The following CCDC124 variants were observed in gnomAD, a reference collection of about 807,000 sequenced individuals.
CCDC124 encodes the protein coiled-coil domain-containing protein 124.
Under a neutral mutation model 19.8 loss-of-function variants are expected in CCDC124, and 9 were observed. The ratio of observed to expected loss-of-function variants is 0.45; its 90% CI spans 0.27 to 0.79. The LOEUF is 0.79. CCDC124 is among the 30% of genes least tolerant of loss of function. The pLI is 0.14. For missense variants in CCDC124, 285 were observed against 319.0 expected (o/e 0.89, Z 0.81); for synonymous variants, 126 against 131.3 (o/e 0.96, Z 0.27).
Position 17,943,241 on chromosome 19 carries a change from T to TCGGGGGCCCCCCCCCCC in CCDC124, c.350-19_350-18insGGGGGCCCCCCCCCCCC. 1.4e-6 allele frequency: 1 copy of TCGGGGGCCCCCCCCCCC among 736,678 alleles called. No homozygotes were observed. Among genetic ancestry groups the TCGGGGGCCCCCCCCCCC allele is most frequent in the Non-Finnish European group, 2.4e-6 (1 of 414,970 alleles). 45.6% of individuals were successfully genotyped at this position (736,678 alleles called of 1,614,324 possible). On this transcript the variant is annotated intron_variant, in intron 3 of 4. Coordinates refer to ENST00000445755, the MANE Select transcript of CCDC124 (RefSeq NM_001136203.2). ...CTTTGCTTATCTCTCTCTGTCTCTG[T>TCGGGGGCCCCCCCCCCC]CACCCACCCACCCGCCCAGCCGAGA...
chr19:17,936,639 A>G, intron 2 of CCDC124, 60 bp downstream of exon 2: 32 of 1,558,854 alleles, frequency 2.1e-5, no homozygotes, highest in Non-Finnish European at 2.7e-5. Flanking sequence ...AGTGGTCATT[A>G]TGTCAATGTG....
intron 1 of CCDC124, among the ~76,000 whole-genome samples, chr19:17,935,642 C>G (rs780495382): frequency 6.6e-6 from 1 of 151,916 alleles, no homozygotes; most frequent in Non-Finnish European, 1.5e-5. Flanking sequence ...AGTGCAGTTG[C>G]ACGATCTCGG....
At chr19:17,938,933 T>C (rs538782758) in intron 2 of CCDC124, among the ~76,000 whole-genome samples, 1 of 152,244 alleles carries the variant, frequency 6.6e-6, no homozygotes, top group East Asian at 1.9e-4. Context: ...GATCCTGCCT[T>C]GTTTTTAGCA....
rs921153745 is a variant in CCDC124 at position 17,942,542 on chromosome 19, C to T, written c.160-114C>T. On this transcript the variant is annotated intron_variant, in intron 2 of 4. Transcript: ENST00000445755. The surrounding 1 kb of genome is among the most constrained non-coding windows in gnomAD (Gnocchi z 4.2). ...TATCTTGTTCCTGGTATGTCCCCTG[C>T]ACCCAGCACAGAGCCTAAATCCTCG... 2.7e-5 allele frequency: 33 copies of T among 1,211,854 alleles called. No homozygotes were observed. The African/African-American group carries it at 4.9e-4, about 18-fold the overall frequency. 75.1% of individuals were successfully genotyped at this position (1,211,854 alleles called of 1,614,324 possible).
chr19:17,936,669 C>T, intron 2 of CCDC124, 90 bp downstream of exon 2: 1 of 1,468,856 alleles, frequency 6.8e-7, no homozygotes, highest in Non-Finnish European at 9.2e-7. Flanking sequence ...CGAGAGGGCC[C>T]TCTGAGCTTT....
At chr19:17,933,792 G>T (rs1040701638) in intron 1 of CCDC124, among the ~76,000 whole-genome samples, 3 of 152,192 alleles carry the variant, frequency 2.0e-5, no homozygotes, top group African/African-American at 7.2e-5. Context: ...GGCTTCCCCG[G>T]CGCCCTGCGT....
Position 17,942,789 on chromosome 19 carries a change from C to T in CCDC124, c.293C>T (p.Ala98Val), listed in dbSNP as rs770906965. Reference sequence around the variant, plus strand: ...GCCACGTCCAGCAAGGTCACCCGGGCCCAGATCGAGGACACGCTGCGCCGA... The same window carrying T: ...GCCACGTCCAGCAAGGTCACCCGGGTCCAGATCGAGGACACGCTGCGCCGA... ...RVATSSKVTR[A>V]QIEDTLRRDH... Residue 98 changes from alanine (A) to valine (V), a missense_variant, in exon 3 of 5, where the codon GCC (alanine) becomes GTC (valine). Transcript: ENST00000445755. The surrounding 1 kb of genome is among the most constrained non-coding windows in gnomAD (Gnocchi z 4.2). The T allele has an allele frequency of 1.9e-6, 3 of 1,545,180 alleles. No homozygotes were observed. The highest frequency in any genetic ancestry group is 2.4e-5 in the South Asian group (2 of 83,632).
Position 17,943,241 on chromosome 19 carries a change from T to TCTGGGGCCCCCCCCCCC in CCDC124, c.350-19_350-18insTGGGGCCCCCCCCCCCC. 1.4e-6 allele frequency: 1 copy of TCTGGGGCCCCCCCCCCC among 736,678 alleles called. No homozygotes were observed. Among genetic ancestry groups the TCTGGGGCCCCCCCCCCC allele is most frequent in the Non-Finnish European group, 2.4e-6 (1 of 414,970 alleles). 45.6% of individuals were successfully genotyped at this position (736,678 alleles called of 1,614,324 possible). On this transcript the variant is annotated intron_variant, in intron 3 of 4. Transcript: ENST00000445755. ...CTTTGCTTATCTCTCTCTGTCTCTG[T>TCTGGGGCCCCCCCCCCC]CACCCACCCACCCGCCCAGCCGAGA...
intron 1 of CCDC124, among the ~76,000 whole-genome samples, chr19:17,934,496 G>C (rs985477032): frequency 9.2e-5 from 14 of 151,934 alleles, no homozygotes; most frequent in African/African-American, 3.1e-4. Flanking sequence ...CCATAAAAAG[G>C]AACGAAGGGC....
intron 1 of CCDC124, 23 bp downstream of exon 1, chr19:17,933,071 C>G (rs899705845): frequency 6.6e-6 from 1 of 152,512 alleles, no homozygotes; most frequent in African/African-American, 2.4e-5. Flanking sequence ...GCGGCGCGGG[C>G]GGAACCCGGG....
rs777850480 is a variant in CCDC124, at chr19:17,943,744, A to C, written c.*29A>C. 10 of 1,593,080 alleles carry C rather than the reference A, an allele frequency of 6.3e-6. No individual in the cohort carries two copies. In the African/African-American group the frequency reaches 1.2e-4, roughly 19 times the overall value. ...CAGAACTTGGGGAGCCAGTTCACCC[A>C]CGGGTGGTCCAGGTCACGACTCTGC... On this transcript the variant is annotated 3_prime_UTR_variant, in exon 5 of 5. Transcript: ENST00000445755.
chr19:17,943,682 C>T lies in CCDC124; in HGVS notation c.639C>T (p.Asn213=). The T allele has an allele frequency of 6.2e-7, 1 of 1,612,872 alleles. No homozygotes were observed. The change falls in exon 5 of 5, where the codon AAC becomes AAT. Residue 213 remains asparagine (N), a synonymous_variant. Transcript: ENST00000445755. ...EWLRSPDNPM[N]QRAVPFNAPK ...TCCGCTCTCCTGACAACCCCATGAA[C>T]CAGCGGGCCGTGCCCTTCAATGCCC...
chr19:17,942,884 A>G lies in CCDC124; in HGVS notation c.349+39A>G. On this transcript the variant is annotated intron_variant, in intron 3 of 4. Transcript: ENST00000445755. The surrounding 1 kb of genome is among the most constrained non-coding windows in gnomAD (Gnocchi z 4.2). ...CCGCTCTGGAGCTGCACTTTTGCCC[A>G]CTGCAGAGGCAGTGGACCTTGAGTC... 6.8e-7 allele frequency: 1 copy of G among 1,469,124 alleles called. No individual in the cohort carries two copies. Among genetic ancestry groups the G allele is most frequent in the East Asian group, 2.5e-5 (1 of 40,408 alleles). 91.0% of individuals were successfully genotyped at this position (1,469,124 alleles called of 1,614,324 possible).
chr19:17,942,898 G>T lies in CCDC124; in HGVS notation c.349+53G>T. 1 of 1,459,410 alleles carries T rather than the reference G, an allele frequency of 6.9e-7. No homozygotes were observed. The highest frequency in any genetic ancestry group is 1.5e-5 in the South Asian group (1 of 68,764). 90.4% of individuals were successfully genotyped at this position (1,459,410 alleles called of 1,614,324 possible). On this transcript the variant is annotated intron_variant, in intron 3 of 4. Transcript: ENST00000445755. The surrounding 1 kb of genome is among the most constrained non-coding windows in gnomAD (Gnocchi z 4.2). ...CACTTTTGCCCACTGCAGAGGCAGT[G>T]GACCTTGAGTCCATTAGCCCCCTCC...
At position 17,943,390 on chromosome 19, in the gene CCDC124, C is replaced by T; in HGVS notation, c.464+15C>T. On this transcript the variant is annotated intron_variant, in intron 4 of 4. Coordinates refer to ENST00000445755, the MANE Select transcript of CCDC124 (RefSeq NM_001136203.2). The stretch of plus-strand genomic sequence containing the variant: ...GCAGTGCTCAGGTAACGGGGCGGGG[C>T]CTGGGGCTTTCCCAGGGGTGGAGCT... 6.4e-7 allele frequency: 1 copy of T among 1,567,360 alleles called. No homozygotes were observed.
chr19:17,935,546 G>A (rs1333804082), intron 1 of CCDC124, among the ~76,000 whole-genome samples: 3 of 151,702 alleles, frequency 2.0e-5, no homozygotes, highest in Admixed American at 6.6e-5. Context: ...TCAGCCTCCC[G>A]AGTAGCTGGG....
At chr19:17,940,667 G>A (rs2031157974) in intron 2 of CCDC124, among the ~76,000 whole-genome samples, 1 of 151,246 alleles carries the variant, frequency 6.6e-6, no homozygotes, top group Non-Finnish European at 1.5e-5. Flanking sequence ...TCCGGAGGCT[G>A]AGGCAGGAGA....
chr19:17,942,801 A>T lies in CCDC124; in HGVS notation c.305A>T (p.Asp102Val), dbSNP rs1268595394. The stretch of plus-strand genomic sequence containing the variant: ...AAGGTCACCCGGGCCCAGATCGAGG[A>T]CACGCTGCGCCGAGACCATCAGCTC... ...SSKVTRAQIE[D>V]TLRRDHQLRE... is the part of the protein sequence containing the mutation. The change falls in exon 3 of 5, where the codon GAC becomes GTC. Residue 102 changes from aspartate to valine, a missense_variant. Coordinates refer to ENST00000445755, the MANE Select transcript of CCDC124 (RefSeq NM_001136203.2). This position sits in a 1 kb window ranked among gnomAD's most constrained non-coding sequence, Gnocchi z 4.2. 1.7e-5 allele frequency: 26 copies of T among 1,541,932 alleles called. No homozygotes were observed. The highest frequency in any genetic ancestry group is 2.3e-5 in the Non-Finnish European group (26 of 1,143,934).
intron 2 of CCDC124, among the ~76,000 whole-genome samples, chr19:17,941,939 A>G (rs2031192368): frequency 6.6e-6 from 1 of 152,112 alleles, no homozygotes; most frequent in Non-Finnish European, 1.5e-5. Flanking sequence ...GGCAGTGGGC[A>G]GAGTACTGCC....
Sources: gnomAD v4.1 joint callset for allele counts (sites outside exome capture counted in the v4.1 genomes callset) on GRCh38, gnomAD v4.1.1 for gene constraint, Gnocchi (gnomAD v3.1) non-coding constraint, MANE v1.5 for transcripts, NCBI Gene and HGNC (gene_info 2026-07-23, HGNC 2026-07-21) for gene names.